MAPKAP1: variants seen among roughly 807,000 people sequenced by gnomAD.
MAPKAP1 encodes the protein target of rapamycin complex 2 subunit MAPKAP1.
A neutral mutation model predicts 65.7 loss-of-function variants in MAPKAP1; 20 were observed. That is an observed-to-expected ratio of 0.30 (90% CI 0.21 to 0.44). The LOEUF (loss-of-function observed/expected upper bound fraction) is 0.44. MAPKAP1 is among the 20% of genes least tolerant of loss of function. The probability of loss-of-function intolerance (pLI) is 1.00; values close to 1 mark genes in which losing one functional copy is unlikely to be tolerated. For missense variants in MAPKAP1, 423 were observed against 648.0 expected (o/e 0.65, Z 3.77); for synonymous variants, 222 against 244.3 (o/e 0.91, Z 0.85).
At position 125,669,835 on chromosome 9, in the gene MAPKAP1, C is replaced by A; in HGVS notation, c.332G>T (p.Arg111Ile). 6.4e-7 allele frequency: 1 copy of A among 1,568,306 alleles called. No homozygotes were observed. The highest frequency in any genetic ancestry group is 8.7e-7 in the Non-Finnish European group (1 of 1,146,910). The change falls in exon 3 of 12, where the codon AGA becomes ATA. Residue 111 changes from arginine to isoleucine, a missense_variant. Arg to Ile is a moderately conservative substitution (Grantham distance 97). This residue lies in a region of MAPKAP1 where 67 missense variants were observed against 69.6 expected (regional missense o/e 0.96). Coordinates refer to ENST00000265960, the MANE Select transcript of MAPKAP1 (RefSeq NM_001006617.3). ...IKCKNIQWKE[R>I]NSKQSAQELK... ...CCATTTACCTGATTGCTTAGAATTT[C>A]TTTCTTTCCACTGAATATTTTTGCA...
chr9:125,656,808 G>A (rs1389241558), intron 4 of MAPKAP1, among the ~76,000 whole-genome samples: 1 of 152,136 alleles, frequency 6.6e-6, no homozygotes, highest in Admixed American at 6.6e-5. Flanking sequence ...ACTGTCTTCT[G>A]AACAAGGCCC....
chr9:125,603,357 C>G (rs1832359107), intron 4 of MAPKAP1, among the ~76,000 whole-genome samples: 2 of 151,936 alleles, frequency 1.3e-5, no homozygotes, highest in South Asian at 4.2e-4. Flanking sequence ...CAATTGTGCT[C>G]TAATAATGAC....
intron 8 of MAPKAP1, among the ~76,000 whole-genome samples, chr9:125,485,721 T>C (rs1215813861): frequency 1.3e-5 from 2 of 152,176 alleles, no homozygotes; most frequent in Non-Finnish European, 2.9e-5. Flanking sequence ...TGTGAAATCT[T>C]TTCTGATGGT....
chr9:125,442,464 T>A (rs1376760592), intron 11 of MAPKAP1, among the ~76,000 whole-genome samples: 2 of 152,134 alleles, frequency 1.3e-5, no homozygotes, highest in Non-Finnish European at 2.9e-5. Flanking sequence ...GTGAAAATTA[T>A]TTTGATGTCA....
chr9:125,562,003 C>A (rs1433693008), intron 5 of MAPKAP1, among the ~76,000 whole-genome samples: 2 of 152,070 alleles, frequency 1.3e-5, no homozygotes, highest in Non-Finnish European at 2.9e-5. Flanking sequence ...TCACTGAGCC[C>A]CCAGGGTTTT....
chr9:125,487,951 T>C (rs1387410103), intron 8 of MAPKAP1, among the ~76,000 whole-genome samples: 1 of 152,196 alleles, frequency 6.6e-6, no homozygotes, highest in Non-Finnish European at 1.5e-5. Context: ...AACTTTATAT[T>C]TTGCTGAAAT....
chr9:125,612,662 TAGAGGCTC>T (rs199622456), intron 4 of MAPKAP1, among the ~76,000 whole-genome samples: 46,328 of 152,074 alleles, frequency 0.3, 7,983 homozygotes, highest in Middle Eastern at 0.4. Flanking sequence ...GTTGGGTAAA[TAGAGGCTC>T]TATCAATTAA....
At chr9:125,443,615 G>GCTCCCATGCCAAGCAGAGCTC (rs1852579539) in intron 11 of MAPKAP1, among the ~76,000 whole-genome samples, 1 of 151,988 alleles carries the variant, frequency 6.6e-6, no homozygotes, top group Non-Finnish European at 1.5e-5. Context: ...ACCCCTGGAG[G>GCTCCCATGCCAAGCAGAGCTC]CTCCCATGCC....
At chr9:125,628,888 G>C (rs13286214) in intron 4 of MAPKAP1, among the ~76,000 whole-genome samples, 24 of 120,894 alleles carry the variant, frequency 2.0e-4, no homozygotes, top group South Asian at 5.2e-4. Flanking sequence ...ACAACAACAA[G>C]AACAACAACA....
At chr9:125,570,013 T>C (rs1831179483) in intron 5 of MAPKAP1, among the ~76,000 whole-genome samples, 1 of 152,266 alleles carries the variant, frequency 6.6e-6, no homozygotes, top group Non-Finnish European at 1.5e-5. Context: ...GTTGGCTAAA[T>C]GCTTTAAGGT....
intron 5 of MAPKAP1, among the ~76,000 whole-genome samples, chr9:125,578,421 G>T (rs917041486): frequency 1.4e-5 from 2 of 146,494 alleles, no homozygotes; most frequent in Admixed American, 7.0e-5. Flanking sequence ...ACCCAAGAAT[G>T]ATCAATAAAA....
chr9:125,653,859 G>C (rs1833959207), intron 4 of MAPKAP1, among the ~76,000 whole-genome samples: 1 of 152,150 alleles, frequency 6.6e-6, no homozygotes, highest in Non-Finnish European at 1.5e-5. Flanking sequence ...TGAAAAAACT[G>C]ACTGAGATGA....
At position 125,707,095 on chromosome 9, in the gene MAPKAP1, G is replaced by T. The variant is rs1835787223; in HGVS notation, c.-194C>A. 2.5e-6 allele frequency: 1 copy of T among 398,196 alleles called. No homozygotes were observed. Among genetic ancestry groups the T allele is most frequent in the South Asian group, 1.3e-4 (1 of 7,844 alleles). The allele number at this position is 398,196 out of a possible 1,614,324, so 24.7% of individuals were successfully genotyped here. A position where few individuals can be genotyped will look rare whatever the true frequency, so the allele number is the denominator to read the frequency against. On this transcript the variant is annotated 5_prime_UTR_variant, in exon 1 of 12. Transcript: ENST00000265960. Reference sequence around the variant, plus strand: ...TGCACTCTCGGGATCCACGGGGACCGGCGCTCCTCCCGGCCCGCTCAGCTG... The same window carrying T: ...TGCACTCTCGGGATCCACGGGGACCTGCGCTCCTCCCGGCCCGCTCAGCTG...
At chr9:125,672,163 T>TCTC (rs1375879792) in intron 2 of MAPKAP1, among the ~76,000 whole-genome samples, 153 bp downstream of exon 2, 2 of 152,196 alleles carry the variant, frequency 1.3e-5, no homozygotes, top group Non-Finnish European at 2.9e-5. Flanking sequence ...GAGATGGAGA[T>TCTC]GTTGCTCAGA....
chr9:125,495,259 G>A lies in MAPKAP1; in HGVS notation c.1067-10676C>T, dbSNP rs750120638. On this transcript the variant is annotated intron_variant, in intron 8 of 11. Transcript: ENST00000265960. ...AGAGTCAGAGGATGAGGGCATATCC[G>A]CTGGAAGAATCCCACCTCCCATTCA... 1.1e-4 allele frequency among the ~76,000 whole-genome samples: 16 copies of A among 152,272 alleles called. No homozygotes were observed. The South Asian group carries it at 1.9e-3, about 18-fold the overall frequency.
intron 1 of MAPKAP1, among the ~76,000 whole-genome samples, chr9:125,684,990 C>T (rs1368098680): frequency 6.6e-6 from 1 of 152,206 alleles, no homozygotes; most frequent in African/African-American, 2.4e-5. Context: ...TCCATGTGCC[C>T]ATTTCACTGC....
At chr9:125,681,470 A>G (rs927233208) in intron 1 of MAPKAP1, among the ~76,000 whole-genome samples, 5 of 152,232 alleles carry the variant, frequency 3.3e-5, no homozygotes, top group Non-Finnish European at 5.9e-5. Flanking sequence ...ACCAGGAGGC[A>G]CAGTCTCTTC....
At chr9:125,596,281 G>A (rs1260486854) in intron 4 of MAPKAP1, 27 of 760,694 alleles carry the variant, frequency 3.5e-5, no homozygotes, top group African/African-American at 2.0e-4. Flanking sequence ...GGTGGTGGTC[G>A]TGAAGGTGAC....
chr9:125,529,418 G>C (rs1359833244), intron 7 of MAPKAP1, among the ~76,000 whole-genome samples: 1 of 150,668 alleles, frequency 6.6e-6, no homozygotes, highest in Non-Finnish European at 1.5e-5. Context: ...CTGTACCTGA[G>C]AGATCTGCAT....
Sources: gnomAD v4.1 joint callset for allele counts (sites outside exome capture counted in the v4.1 genomes callset) on GRCh38, gnomAD v4.1.1 for gene constraint, gnomAD v4.1.1 regional missense constraint, MANE v1.5 for transcripts, NCBI Gene and HGNC (gene_info 2026-07-23, HGNC 2026-07-21) for gene names.